CREB5: variants seen among roughly 807,000 people sequenced by gnomAD.
CREB5 encodes the protein cyclic AMP-responsive element-binding protein 5.
CREB5 carries 19 observed loss-of-function variants against 57.1 expected under a neutral mutation model. The ratio of observed to expected loss-of-function variants is 0.33; its 90% CI spans 0.23 to 0.49. CREB5 has a LOEUF of 0.49. Among genes scored for constraint, CREB5 ranks in the 20% least tolerant of loss-of-function variants. The pLI is 0.99. For synonymous variants in CREB5, 238 were observed against 238.3 expected, an observed-to-expected ratio of 1.00 and a Z score of 0.01; for missense variants, 579 against 671.6, an observed-to-expected ratio of 0.86 and a Z score of 1.52.
At chr7:28,557,276 A>C (rs1794917709) in intron 4 of CREB5, among the ~76,000 whole-genome samples, 1 of 152,238 alleles carries the variant, frequency 6.6e-6, no homozygotes, top group African/African-American at 2.4e-5. Context: ...ACTGAGAAAC[A>C]GTGGAATCTC....
intron 5 of CREB5, among the ~76,000 whole-genome samples, chr7:28,716,796 C>A: frequency 6.6e-6 from 1 of 152,164 alleles, no homozygotes; most frequent in East Asian, 1.9e-4. Flanking sequence ...GAAGGCACAA[C>A]CTGCCATGGT....
intron 5 of CREB5, among the ~76,000 whole-genome samples, chr7:28,572,807 G>A (rs1795754049): frequency 6.6e-6 from 1 of 152,204 alleles, no homozygotes; most frequent in African/African-American, 2.4e-5. Context: ...CACCATGCCT[G>A]GATGGAGGCG....
chr7:28,658,951 G>GTGTATATATATATATATATATATATA (rs1554281514), intron 5 of CREB5, among the ~76,000 whole-genome samples: 1,072 of 46,916 alleles, frequency 0.023, 55 homozygotes, highest in Non-Finnish European at 0.042. Flanking sequence ...ATGTGTGTGT[G>GTGTATATATATATATATATATATATA]TGTATATATA....
intron 1 of CREB5, among the ~76,000 whole-genome samples, chr7:28,334,333 AT>A (rs1236040346): frequency 2.0e-5 from 3 of 151,956 alleles, no homozygotes; most frequent in African/African-American, 7.2e-5. Context: ...TTTTTTGTAT[AT>A]TTAGTAGAGA....
intron 7 of CREB5, among the ~76,000 whole-genome samples, chr7:28,733,509 T>G (rs1257534720): frequency 6.6e-6 from 1 of 152,202 alleles, no homozygotes; most frequent in Non-Finnish European, 1.5e-5. Context: ...AATCCCTGTT[T>G]GCTGCTGCAA....
chr7:28,397,485 T>C (rs1159194137), intron 1 of CREB5, among the ~76,000 whole-genome samples: 1 of 152,146 alleles, frequency 6.6e-6, no homozygotes, highest in African/African-American at 2.4e-5. Flanking sequence ...TGTGGGGGTA[T>C]TGAGAATTTG....
At chr7:28,636,983 G>T (rs1798446056) in intron 5 of CREB5, among the ~76,000 whole-genome samples, 1 of 151,926 alleles carries the variant, frequency 6.6e-6, no homozygotes, top group South Asian at 2.1e-4. Flanking sequence ...GTGAAACCCT[G>T]ACTCTACAAA....
At chr7:28,631,548 C>T (rs149435795) in intron 5 of CREB5, among the ~76,000 whole-genome samples, 1 of 152,204 alleles carries the variant, frequency 6.6e-6, no homozygotes, top group East Asian at 1.9e-4. Context: ...GCCAGTGCTG[C>T]CTTTTTCGGA....
At chr7:28,350,139 G>A (rs1434996394) in intron 1 of CREB5, among the ~76,000 whole-genome samples, 2 of 152,088 alleles carry the variant, frequency 1.3e-5, no homozygotes, top group Non-Finnish European at 2.9e-5. Context: ...AGTCAAAATG[G>A]GAAAGGTTAA....
intron 1 of CREB5, among the ~76,000 whole-genome samples, chr7:28,459,782 C>T (rs1790275882): frequency 6.6e-6 from 1 of 152,066 alleles, no homozygotes. Flanking sequence ...CTTGTGGGGT[C>T]CTGTTTTCAT....
At chr7:28,585,658 G>C (rs1796279568) in intron 5 of CREB5, among the ~76,000 whole-genome samples, 2 of 152,172 alleles carry the variant, frequency 1.3e-5, no homozygotes, top group African/African-American at 4.8e-5. Context: ...CAACGTCCTT[G>C]AGTTTATATG....
At chr7:28,680,116 G>A (rs747335789) in intron 5 of CREB5, among the ~76,000 whole-genome samples, 10 of 152,166 alleles carry the variant, frequency 6.6e-5, no homozygotes, top group Non-Finnish European at 1.5e-4. Context: ...TTGGACAATT[G>A]CAGACCTGCA....
chr7:28,299,371 A>T (rs1290653289), exon 1 of CREB5: 1 of 152,270 alleles, frequency 6.6e-6, no homozygotes, highest in African/African-American at 2.4e-5. Flanking sequence ...GGACACGGTT[A>T]TGAGAATGAC....
chr7:28,512,797 T>C (rs377519351), intron 4 of CREB5, among the ~76,000 whole-genome samples: 2 of 152,188 alleles, frequency 1.3e-5, no homozygotes, highest in Non-Finnish European at 2.9e-5. Context: ...GTGTGGTGTA[T>C]AAGTGCTAAG....
chr7:28,811,049 G>T (rs143038519), intron 9 of CREB5, among the ~76,000 whole-genome samples: 1 of 152,230 alleles, frequency 6.6e-6, no homozygotes, highest in Non-Finnish European at 1.5e-5. Flanking sequence ...CTTGTATGCC[G>T]CGGGAAGATT....
intron 5 of CREB5, among the ~76,000 whole-genome samples, chr7:28,649,698 G>A (rs7777024): frequency 0.4 from 61,469 of 151,968 alleles, 13,347 homozygotes; most frequent in African/African-American, 0.55. Flanking sequence ...TTTTAGGAAT[G>A]GACCATATCT....
chr7:28,513,268 A>C (rs1437622063), intron 4 of CREB5, among the ~76,000 whole-genome samples: 1 of 152,246 alleles, frequency 6.6e-6, no homozygotes, highest in Non-Finnish European at 1.5e-5. Context: ...CAACAGCTGC[A>C]CATTTCCGGT....
At chr7:28,377,116 T>C (rs2127995113) in intron 1 of CREB5, among the ~76,000 whole-genome samples, 1 of 152,318 alleles carries the variant, frequency 6.6e-6, no homozygotes, top group African/African-American at 2.4e-5. Context: ...GGGGTCTTCT[T>C]TCATTTTAGA....
intron 7 of CREB5, among the ~76,000 whole-genome samples, chr7:28,735,698 C>T (rs570288717): frequency 9.9e-5 from 15 of 152,144 alleles, no homozygotes; most frequent in African/African-American, 3.4e-4. Flanking sequence ...CATATAGTTG[C>T]TAGAAAATAT....
Sources: allele counts gnomAD v4.1 joint callset (sites outside exome capture counted in the v4.1 genomes callset), GRCh38; gene constraint gnomAD v4.1.1; transcripts MANE v1.5; gene names NCBI Gene and HGNC (gene_info 2026-07-23, HGNC 2026-07-21).